Variants in NDE1 observed in about 807,000 individuals in gnomAD.
The protein encoded by NDE1 is nudE neurodevelopment protein 1, also known as nuclear distribution protein nudE homolog 1.
Under a neutral mutation model 43.4 loss-of-function variants are expected in NDE1, and 28 were observed. The ratio of observed to expected loss-of-function variants is 0.65; its 90% CI spans 0.48 to 0.89. The LOEUF is 0.89. Ranked by LOEUF, NDE1 falls within the 40% of genes least tolerant of loss-of-function variation. The probability of loss-of-function intolerance (pLI) is 0.00; values close to 1 mark genes in which losing one functional copy is unlikely to be tolerated. For missense variants in NDE1, 441 were observed against 434.1 expected (o/e 1.02, Z -0.14); for synonymous variants, 184 against 172.0 (o/e 1.07, Z -0.55).
intron 1 of NDE1, among the ~76,000 whole-genome samples, chr16:15,662,066 T>C (rs2037073318): frequency 6.6e-6 from 1 of 152,028 alleles, no homozygotes; most frequent in Admixed American, 6.6e-5. Context: ...CCAGAGTAGC[T>C]AGGACTACAG....
intron 3 of NDE1, among the ~76,000 whole-genome samples, chr16:15,673,785 G>A (rs981134175): frequency 6.6e-6 from 1 of 152,158 alleles, no homozygotes; most frequent in Non-Finnish European, 1.5e-5. Flanking sequence ...ATTGCGGCAT[G>A]AGGCACCGCA....
chr16:15,646,628 A>T (rs1219843620), upstream of NDE1, among the ~76,000 whole-genome samples: 2 of 152,120 alleles, frequency 1.3e-5, no homozygotes, highest in Non-Finnish European at 2.9e-5. Context: ...GCTACTTGGT[A>T]GGCTGAGGCA....
intron 8 of NDE1, chr16:15,699,744 G>A (rs1392050228): frequency 5.2e-6 from 7 of 1,351,280 alleles, no homozygotes; most frequent in Non-Finnish European, 6.9e-6. Context: ...GGAAGCGCCT[G>A]GAATTTGGGA....
chr16:15,694,194 C>G lies in NDE1; in HGVS notation c.733C>G (p.Leu245Val), dbSNP rs772376482. 2 of 1,613,052 alleles carry G rather than the reference C, an allele frequency of 1.2e-6. No homozygotes were observed. Among genetic ancestry groups the G allele is most frequent in the Admixed American group, 1.7e-5 (1 of 59,986 alleles). The part of the protein sequence containing the change: ...GLDDSTGGTP[L>V]TPAARISALN... ...GGACGACTCCACCGGGGGGACCCCC[C>G]TCACACCTGCGGCCCGGATATCAGC... is the stretch of plus-strand genomic sequence containing the variant. Residue 245 changes from leucine to valine, a missense_variant, in exon 7 of 9, where the codon CTC becomes GTC. Transcript: ENST00000396354.
At chr16:15,700,516 A>G (rs1383054270) in intron 8 of NDE1, 2 of 150,576 alleles carry the variant, frequency 1.3e-5, no homozygotes, top group Admixed American at 6.6e-5. Context: ...TAGTGGTGCA[A>G]TTTCGGCTCA....
intron 1 of NDE1, among the ~76,000 whole-genome samples, 156 bp downstream of exon 1, chr16:15,650,450 C>A (rs2036442300): frequency 1.3e-5 from 2 of 152,248 alleles, no homozygotes; most frequent in Admixed American, 1.3e-4. Context: ...CGCTTCCCGG[C>A]CGCCTGGACT....
At chr16:15,668,074 C>G (rs540558579) in intron 3 of NDE1, among the ~76,000 whole-genome samples, 56 of 151,982 alleles carry the variant, frequency 3.7e-4, no homozygotes, top group Middle Eastern at 3.4e-3. Context: ...AAGCAGTCCT[C>G]TCACCTGGGC....
rs775864212 is a variant in NDE1 at position 15,720,457 on chromosome 16, G to A, written c.948-3734G>A. On this transcript the variant is annotated intron_variant, in intron 8 of 8. Coordinates refer to ENST00000396354, the MANE Select transcript of NDE1 (RefSeq NM_017668.3). ...CATCCCCAGTTGCAGATGAGAAAAC[G>A]GAATCACGCCGGGCGTGGGTGGCTC... 1.1e-4 allele frequency: 137 copies of A among 1,200,012 alleles called. 1 individual carries two copies. The highest frequency in any genetic ancestry group is 1.5e-4 in the Non-Finnish European group (127 of 840,868). The allele number at this position is 1,200,012 out of a possible 1,614,324, so 74.3% of individuals were successfully genotyped here. A position where few individuals can be genotyped will look rare whatever the true frequency, so the allele number is the denominator to read the frequency against.
intron 1 of NDE1, chr16:15,652,125 T>G (rs991523976): frequency 6.6e-6 from 1 of 151,758 alleles, no homozygotes; most frequent in Non-Finnish European, 1.5e-5. Context: ...GTCTCAAACT[T>G]CTGACCTCGT....
At position 15,667,388 on chromosome 16, in the gene NDE1, A is replaced by G. The variant is rs760116296; in HGVS notation, c.186A>G (p.Arg62=). ...TGCAACAAATTGAAACCAGGAACAG[A>G]GACCTCCTGTCCGAAAATAACCGCC... The part of the protein sequence containing the change: ...TQLQQIETRN[R]DLLSENNRLR... Residue 62 remains arginine, a synonymous_variant, in exon 3 of 9, where the codon AGA becomes AGG. Coordinates refer to ENST00000396354, the MANE Select transcript of NDE1 (RefSeq NM_017668.3). 3 of 1,614,050 alleles carry G rather than the reference A, an allele frequency of 1.9e-6. No individual in the cohort carries two copies. Among genetic ancestry groups the G allele is most frequent in the Admixed American group, 1.7e-5 (1 of 59,988 alleles).
upstream of NDE1, chr16:15,649,242 A>AT (rs1227758197): frequency 1.3e-5 from 2 of 152,184 alleles, no homozygotes; most frequent in African/African-American, 4.8e-5. Flanking sequence ...AAATACATAT[A>AT]TTGTACTTAC....
intron 8 of NDE1, chr16:15,718,043 C>T (rs948593944): frequency 3.6e-6 from 2 of 549,068 alleles, no homozygotes; most frequent in African/African-American, 1.9e-5. Context: ...CATCCCAAGG[C>T]CCGGACTCCA....
At chr16:15,663,333 A>G (rs559704318) in intron 1 of NDE1, among the ~76,000 whole-genome samples, 2 of 148,856 alleles carry the variant, frequency 1.3e-5, no homozygotes, top group South Asian at 2.1e-4. Flanking sequence ...TCCACCTCCC[A>G]GGTTCAAGTG....
chr16:15,715,637 G>A (rs1366447532), intron 8 of NDE1, among the ~76,000 whole-genome samples: 2 of 151,832 alleles, frequency 1.3e-5, no homozygotes, highest in African/African-American at 4.8e-5. Flanking sequence ...TTTTTTTTGC[G>A]GGGAGGAGGC....
At chr16:15,710,179 C>T (rs572576285) in intron 8 of NDE1, among the ~76,000 whole-genome samples, 1 of 152,276 alleles carries the variant, frequency 6.6e-6, no homozygotes, top group South Asian at 2.1e-4. Context: ...CCCAAGAAGG[C>T]TCAAGTGTCT....
intron 1 of NDE1, among the ~76,000 whole-genome samples, chr16:15,659,220 GGCTCACTAACTTCCA>G (rs1282621229): frequency 6.6e-6 from 1 of 152,054 alleles, no homozygotes; most frequent in Non-Finnish European, 1.5e-5. Context: ...ACATGGGTGA[GGCTCACTAACTTCCA>G]CCAGAAGTTA....
chr16:15,644,744 G>A (rs960893185), intron 1 of NDE1, among the ~76,000 whole-genome samples: 1 of 152,136 alleles, frequency 6.6e-6, no homozygotes, highest in African/African-American at 2.4e-5. Flanking sequence ...AAACAAATAC[G>A]CTACTCTTCA....
intron 8 of NDE1, among the ~76,000 whole-genome samples, chr16:15,712,404 C>T (rs1028553879): frequency 2.0e-5 from 3 of 152,036 alleles, no homozygotes; most frequent in Non-Finnish European, 2.9e-5. Context: ...AATCCCAGCA[C>T]GTGGGGAGGC....
intron 1 of NDE1, among the ~76,000 whole-genome samples, chr16:15,657,201 G>T (rs970530850): frequency 6.6e-6 from 1 of 151,850 alleles, no homozygotes; most frequent in African/African-American, 2.4e-5. Flanking sequence ...GGGTTCAAGC[G>T]ATTTTCCTGC....
Sources: gnomAD v4.1 joint callset for allele counts (sites outside exome capture counted in the v4.1 genomes callset) on GRCh38, gnomAD v4.1.1 for gene constraint, MANE v1.5 for transcripts, NCBI Gene and HGNC (gene_info 2026-07-23, HGNC 2026-07-21) for gene names.